Variants in HCFC1 observed in about 807,000 individuals in gnomAD.
HCFC1 encodes the protein host cell factor 1.
In HCFC1, 7 loss-of-function variants were observed where a neutral mutation model predicts 105.5. The ratio of observed to expected loss-of-function variants is 0.07; its 90% CI spans 0.04 to 0.12. HCFC1 has a LOEUF of 0.12. Ranked by LOEUF, HCFC1 falls within the 10% of genes least tolerant of loss-of-function variation. The pLI, the probability that HCFC1 is intolerant of heterozygous loss-of-function variation, is 1.00. For missense variants in HCFC1, 1,065 were observed against 1,823.6 expected, an observed-to-expected ratio of 0.58 and a Z score of 7.58; for synonymous variants, 918 against 828.1, an observed-to-expected ratio of 1.11 and a Z score of -1.86.
At chrX:153,966,105 G>A (rs1239595423) in intron 1 of HCFC1, among the ~76,000 whole-genome samples, 1 of 112,275 alleles carries the variant, frequency 8.9e-6, no homozygotes, top group Admixed American at 9.4e-5. Context: ...AGCTACTCAG[G>A]AGGCTGAGGC....
rs1557116212 is a variant in HCFC1 at position 153,959,792 on chromosome X, C to T, written c.1444+10G>A. On this transcript the variant is annotated intron_variant, in intron 8 of 25. Coordinates refer to ENST00000310441, the MANE Select transcript of HCFC1 (RefSeq NM_005334.3). Reference sequence around the variant, plus strand: ...CCCTACTTTCAAACGTCCCTGGTCCCCTGGCTCACCTTGAGTCCTGGCTGC... The same window carrying T: ...CCCTACTTTCAAACGTCCCTGGTCCTCTGGCTCACCTTGAGTCCTGGCTGC... 1 of 1,157,845 alleles carries T rather than the reference C, an allele frequency of 8.6e-7. No individual in the cohort carries two copies. The highest frequency in any genetic ancestry group is 1.2e-6 in the Non-Finnish European group (1 of 868,939).
chrX:153,964,231 G>C lies in HCFC1; in HGVS notation c.396C>G (p.Pro132=). ...TGTGCCCGAGTCGAGGACACGGAGGGGGCCCGTTTTTGGGCGTCTTTGCTT... is the reference window on the plus strand; with the variant it reads ...TGTGCCCGAGTCGAGGACACGGAGGCGGCCCGTTTTTGGGCGTCTTTGCTT... ...RLKAKTPKNG[P]PPCPRLGHSF... is the part of the protein sequence containing the mutation. Residue 132 remains proline, a synonymous_variant, in exon 3 of 26, where the codon CCC becomes CCG. Transcript: ENST00000310441. The C allele has an allele frequency of 8.3e-7, 1 of 1,202,888 alleles. No homozygotes were observed. Among genetic ancestry groups the C allele is most frequent in the Non-Finnish European group, 1.1e-6 (1 of 890,267 alleles).
At position 153,953,616 on chromosome X, in the gene HCFC1, G is replaced by GGGGCCC; in HGVS notation, c.4482_4487dup (p.Gly1495_Pro1496dup). ...CCCCCTGGGCTCTTACCGGCACAGA[G>GGGGCCC]GGGCCCGGGACCGGTGTGGACTGCG... On this transcript the variant is annotated inframe_insertion, in exon 18 of 26. Transcript: ENST00000310441. 1 of 1,209,802 alleles carries GGGGCCC rather than the reference G, an allele frequency of 8.3e-7. No homozygotes were observed. The highest frequency in any genetic ancestry group is 1.1e-6 in the Non-Finnish European group (1 of 895,114).
intron 1 of HCFC1, among the ~76,000 whole-genome samples, chrX:153,966,584 T>C (rs965338554): frequency 1.8e-5 from 2 of 112,024 alleles, no homozygotes; most frequent in Non-Finnish European, 3.8e-5. Flanking sequence ...TGGAGGGAGC[T>C]CCATGCAAGC....
chrX:153,970,582 A>G, intron 1 of HCFC1, 66 bp downstream of exon 1: 1 of 775,848 alleles, frequency 1.3e-6, no homozygotes, highest in Non-Finnish European at 1.9e-6. Flanking sequence ...GAGGGAGGAA[A>G]GAGGAGGGAG....
chrX:153,970,563 A>G (rs1165561004), intron 1 of HCFC1, 85 bp downstream of exon 1: 3 of 612,398 alleles, frequency 4.9e-6, no homozygotes, highest in Non-Finnish European at 7.6e-6. Context: ...GGGAGGGAGC[A>G]GATGGAGGGA....
chrX:153,960,423 G>T lies in HCFC1; in HGVS notation c.905-9C>A. ...CTCCCAGGCCATGGTATCTGGGGGA[G>T]GGCAGACAAGGGAGGTCAGCAAGGA... On this transcript the variant is annotated splice_polypyrimidine_tract_variant and intron_variant, in intron 6 of 25. Coordinates refer to ENST00000310441, the MANE Select transcript of HCFC1 (RefSeq NM_005334.3). The T allele has an allele frequency of 8.6e-7, 1 of 1,164,661 alleles. No individual in the cohort carries two copies. Among genetic ancestry groups the T allele is most frequent in the Non-Finnish European group, 1.2e-6 (1 of 865,981 alleles).
At chrX:153,969,139 C>A (rs1384142453) in intron 1 of HCFC1, among the ~76,000 whole-genome samples, 1 of 111,246 alleles carries the variant, frequency 9.0e-6, no homozygotes, top group African/African-American at 3.3e-5. Context: ...GGGAAGGAAG[C>A]GGCACCCAAG....
intron 16 of HCFC1, among the ~76,000 whole-genome samples, chrX:153,955,803 G>A (rs1189336521): frequency 2.7e-5 from 3 of 112,968 alleles, no homozygotes; most frequent in African/African-American, 9.7e-5. Flanking sequence ...GAGGCTGGCT[G>A]AAGTCAAGTC....
intron 19 of HCFC1, 64 bp from the exon 20 acceptor site, chrX:153,952,222 C>A: frequency 1.9e-6 from 2 of 1,080,394 alleles, no homozygotes; most frequent in Admixed American, 4.0e-5. Context: ...GCAGCCCGGG[C>A]GGAGGCCCCC....
At position 153,953,723 on chromosome X, in the gene HCFC1, C is replaced by T. The variant is rs1371640107; in HGVS notation, c.4381G>A (p.Gly1461Ser). The T allele has an allele frequency of 1.7e-6, 2 of 1,210,304 alleles. No individual in the cohort carries two copies. Among genetic ancestry groups the T allele is most frequent in the African/African-American group, 1.7e-5 (1 of 57,850 alleles). The change falls in exon 18 of 26, where the codon GGC (glycine) becomes AGC (serine). Residue 1461 changes from glycine to serine, a missense_variant. Transcript: ENST00000310441. ...SDQGEVESTQ[G>S]DSVNITSSSA... ...GAGCTGGTGATGTTCACGCTGTCGC[C>T]CTGGGTGCTCTCCACCTCTCCCTGA...
chrX:153,955,946 G>A lies in HCFC1; in HGVS notation c.2856+245C>T, dbSNP rs782041829. ...GCTGCGGCGTCCTGTAGAACACTGC[G>A]AGAGGAAGAACCCGGTGTTCAAACA... is the stretch of plus-strand genomic sequence containing the variant. On this transcript the variant is annotated intron_variant, in intron 16 of 25. Coordinates refer to ENST00000310441, the MANE Select transcript of HCFC1 (RefSeq NM_005334.3). Among the ~76,000 whole-genome samples the A allele has an allele frequency of 1.1e-3, 128 of 113,324 alleles. 1 individual carries two copies. Among genetic ancestry groups the A allele is most frequent in the Non-Finnish European group, 1.8e-3 (94 of 53,397 alleles).
At chrX:153,949,509 C>T in intron 25 of HCFC1, 44 bp downstream of exon 25, 1 of 1,180,325 alleles carries the variant, frequency 8.5e-7, no homozygotes, top group East Asian at 3.0e-5. Flanking sequence ...CAGCTATTTC[C>T]ACCCCTAGTC....
At chrX:153,968,542 C>T (rs1403212790) in intron 1 of HCFC1, among the ~76,000 whole-genome samples, 1 of 112,572 alleles carries the variant, frequency 8.9e-6, no homozygotes, top group African/African-American at 3.2e-5. Flanking sequence ...TTCCAAACTG[C>T]TACCCTGGAG....
chrX:153,969,994 A>G (rs1399556711), intron 1 of HCFC1: 8 of 113,214 alleles, frequency 7.1e-5, no homozygotes, highest in African/African-American at 2.6e-4. Flanking sequence ...GGGGTCCCCA[A>G]GGCTCCGGCA....
Position 153,949,123 on chromosome X carries a change from T to C in HCFC1, c.*224A>G. ...GGGGAGGAAAGGAAGCGCGCTCCTC[T>C]CTCTGCTTTCCCATCTGCCTCTGCT... On this transcript the variant is annotated 3_prime_UTR_variant, in exon 26 of 26. Coordinates refer to ENST00000310441, the MANE Select transcript of HCFC1 (RefSeq NM_005334.3). 2.8e-6 allele frequency: 1 copy of C among 362,390 alleles called. No individual in the cohort carries two copies. The allele number at this position is 362,390 out of a possible 1,213,427, so 29.9% of individuals were successfully genotyped here.
rs782459495 is a variant in HCFC1 at position 153,949,436 on chromosome X, C to G, written c.6069-50G>C. 2.9e-5 allele frequency: 33 copies of G among 1,138,962 alleles called. No homozygotes were observed. The Admixed American group carries it at 7.6e-4, about 26-fold the overall frequency. 93.9% of individuals were successfully genotyped at this position (1,138,962 alleles called of 1,213,427 possible). A position where few individuals can be genotyped will look rare whatever the true frequency, so the allele number is the denominator to read the frequency against. On this transcript the variant is annotated intron_variant, in intron 25 of 25. Transcript: ENST00000310441. ...GAAAGTTAGTGTGGGCCCTGCACCACTGGAGGCCCTGCTGGTGCAGGGCCG... is the reference window on the plus strand; with the variant it reads ...GAAAGTTAGTGTGGGCCCTGCACCAGTGGAGGCCCTGCTGGTGCAGGGCCG...
At position 153,955,348 on chromosome X, in the gene HCFC1, G is replaced by A; in HGVS notation, c.3051C>T (p.Pro1017=). Residue 1017 remains proline (P), a synonymous_variant, in exon 17 of 26, where the codon CCC becomes CCT. Coordinates refer to ENST00000310441, the MANE Select transcript of HCFC1 (RefSeq NM_005334.3). ...TGGTGCCAGTCTCGTGGGTCTCACA[G>A]GGTGGGTTGGAGCACACCAAGGTGA... is the stretch of plus-strand genomic sequence containing the variant. The part of the protein sequence containing the change: ...GTVTLVCSNP[P]CETHETGTTN... The A allele has an allele frequency of 8.3e-7, 1 of 1,211,783 alleles. No individual in the cohort carries two copies. Among genetic ancestry groups the A allele is most frequent in the Non-Finnish European group, 1.1e-6 (1 of 895,253 alleles).
intron 16 of HCFC1, among the ~76,000 whole-genome samples, 197 bp from the exon 17 acceptor site, chrX:153,955,739 C>G (rs1386025356): frequency 8.9e-6 from 1 of 112,222 alleles, no homozygotes; most frequent in East Asian, 2.8e-4. Context: ...CACTTTGCCT[C>G]AAAGGCAACT....
Sources: allele counts gnomAD v4.1 joint callset (sites outside exome capture counted in the v4.1 genomes callset), GRCh38; gene constraint gnomAD v4.1.1; transcripts MANE v1.5; gene names NCBI Gene and HGNC (gene_info 2026-07-23, HGNC 2026-07-21).